SMG6: variants seen among roughly 807,000 people sequenced by gnomAD.
SMG6 encodes the protein SMG6 nonsense mediated mRNA decay factor.
A neutral mutation model predicts 142.2 loss-of-function variants in SMG6; 66 were observed. That is an observed-to-expected ratio of 0.46 (90% CI 0.38 to 0.57). The LOEUF (loss-of-function observed/expected upper bound fraction) is 0.57. Among genes scored for constraint, SMG6 ranks in the 20% least tolerant of loss-of-function variants. SMG6 has a pLI of 0.00. For missense variants in SMG6, 1,793 were observed against 1,832.0 expected, an observed-to-expected ratio of 0.98 and a Z score of 0.39; for synonymous variants, 779 against 702.4, an observed-to-expected ratio of 1.11 and a Z score of -1.72.
At chr17:2,084,029 G>GGGA (rs2068491286) in intron 14 of SMG6, among the ~76,000 whole-genome samples, 1 of 152,162 alleles carries the variant, frequency 6.6e-6, no homozygotes, top group African/African-American at 2.4e-5. Context: ...ACCAAGATCC[G>GGGA]GGACCAGAGA....
intron 13 of SMG6, among the ~76,000 whole-genome samples, chr17:2,140,046 A>G (rs1046473111): frequency 6.8e-6 from 1 of 146,464 alleles, no homozygotes; most frequent in African/African-American, 2.5e-5. Context: ...CTGTTAACTA[A>G]TTTTTTTTAA....
chr17:2,279,589 A>T (rs1481477128), intron 8 of SMG6, among the ~76,000 whole-genome samples: 1 of 152,208 alleles, frequency 6.6e-6, no homozygotes, highest in African/African-American at 2.4e-5. Context: ...GATTACTGAA[A>T]TGGTGATAGC....
Position 2,255,743 on chromosome 17 carries a change from G to T in SMG6, c.2662-11024C>A, listed in dbSNP as rs564488678. ...GATGGCGGTTTTGTGGAATAGAAAG[G>T]GGGGAAAGGTGGGGAAAGAATAGAG... On this transcript the variant is annotated intron_variant, in intron 8 of 18. Coordinates refer to ENST00000263073, the MANE Select transcript of SMG6 (RefSeq NM_017575.5). 5.5e-5 allele frequency: 11 copies of T among 198,372 alleles called. No homozygotes were observed. In the South Asian group the frequency reaches 6.8e-4, roughly 12 times the overall value. 12.3% of individuals were successfully genotyped at this position (198,372 alleles called of 1,614,324 possible). A position where few individuals can be genotyped will look rare whatever the true frequency, so the allele number is the denominator to read the frequency against.
chr17:2,065,025 G>A, intron 18 of SMG6, 48 bp downstream of exon 18: 1 of 1,445,444 alleles, frequency 6.9e-7, no homozygotes, highest in Non-Finnish European at 9.7e-7. Context: ...GGTAGGATGA[G>A]GTAGGGCAGT....
At chr17:2,074,810 T>C (rs2068211955) in intron 15 of SMG6, among the ~76,000 whole-genome samples, 1 of 152,318 alleles carries the variant, frequency 6.6e-6, no homozygotes, top group Admixed American at 6.5e-5. Flanking sequence ...TAACTTGATC[T>C]AAAAAGCCAA....
intron 13 of SMG6, among the ~76,000 whole-genome samples, chr17:2,157,740 A>G (rs2071050688): frequency 6.6e-6 from 1 of 152,232 alleles, no homozygotes; most frequent in Non-Finnish European, 1.5e-5. Flanking sequence ...GTTGGTCACC[A>G]ATAAAACCAA....
intron 13 of SMG6, among the ~76,000 whole-genome samples, chr17:2,125,007 G>A (rs1345861150): frequency 6.6e-6 from 1 of 152,184 alleles, no homozygotes; most frequent in Non-Finnish European, 1.5e-5. Context: ...TCCATTTGGA[G>A]AAGGAATTTC....
chr17:2,094,746 A>T (rs1380319293), intron 13 of SMG6: 1 of 152,166 alleles, frequency 6.6e-6, no homozygotes, highest in Non-Finnish European at 1.5e-5. Flanking sequence ...ATATGAAAGT[A>T]GTGATGAGAA....
intron 13 of SMG6, among the ~76,000 whole-genome samples, chr17:2,150,903 C>A (rs944881422): frequency 6.6e-6 from 1 of 151,876 alleles, no homozygotes; most frequent in Admixed American, 6.6e-5. Flanking sequence ...AAAAAAAATC[C>A]GTAACCCAGC....
At chr17:2,189,249 T>G (rs1001935141) in intron 10 of SMG6, among the ~76,000 whole-genome samples, 7 of 152,144 alleles carry the variant, frequency 4.6e-5, no homozygotes, top group African/African-American at 1.7e-4. Context: ...CTAACTAACT[T>G]CCTTCTGGCT....
Position 2,061,419 on chromosome 17 carries a change from T to C in SMG6, c.*73A>G. The C allele has an allele frequency of 6.9e-7, 1 of 1,453,484 alleles. No homozygotes were observed. Among genetic ancestry groups the C allele is most frequent in the Non-Finnish European group, 9.2e-7 (1 of 1,081,444 alleles). 90.0% of individuals were successfully genotyped at this position (1,453,484 alleles called of 1,614,324 possible). A position where few individuals can be genotyped will look rare whatever the true frequency, so the allele number is the denominator to read the frequency against. On this transcript the variant is annotated 3_prime_UTR_variant, in exon 19 of 19. Transcript: ENST00000263073. ...TTGGTGGCTCAGGCACGTGGGCATC[T>C]TCCGTGCTACACTGGGCGCCTGGTG...
intron 8 of SMG6, among the ~76,000 whole-genome samples, chr17:2,273,967 C>T (rs1443242515): frequency 6.6e-6 from 1 of 152,208 alleles, no homozygotes; most frequent in Non-Finnish European, 1.5e-5. Flanking sequence ...ATAACCACCA[C>T]AAATAACAAG....
At chr17:2,300,753 G>GT in intron 1 of SMG6, 89 bp from the exon 2 acceptor site, 1 of 1,257,708 alleles carries the variant, frequency 8.0e-7, no homozygotes, top group Non-Finnish European at 1.1e-6. Context: ...TTCTGGTTAA[G>GT]TAACAAAAAA....
chr17:2,142,192 C>G (rs2070502177), intron 13 of SMG6, among the ~76,000 whole-genome samples: 1 of 152,124 alleles, frequency 6.6e-6, no homozygotes, highest in South Asian at 2.1e-4. Flanking sequence ...GTCTTTATAA[C>G]ACCAAAGCAC....
intron 10 of SMG6, among the ~76,000 whole-genome samples, chr17:2,188,899 G>C (rs2072075297): frequency 6.6e-6 from 1 of 152,164 alleles, no homozygotes; most frequent in South Asian, 2.1e-4. Context: ...CAGGAGCACA[G>C]TCATCAGTTA....
intron 10 of SMG6, among the ~76,000 whole-genome samples, chr17:2,199,598 T>C (rs2151718761): frequency 6.6e-6 from 1 of 151,596 alleles, no homozygotes; most frequent in Non-Finnish European, 1.5e-5. Flanking sequence ...AAAGATTTAA[T>C]TTTGATTTAA....
intron 13 of SMG6, among the ~76,000 whole-genome samples, chr17:2,172,380 C>T (rs979493033): frequency 2.0e-5 from 3 of 151,914 alleles, no homozygotes; most frequent in Non-Finnish European, 2.9e-5. Context: ...TGAGTGAGAG[C>T]ACTGCCAACA....
intron 13 of SMG6, among the ~76,000 whole-genome samples, chr17:2,121,548 TACACAC>T (rs60301937): frequency 6.7e-6 from 1 of 148,558 alleles, no homozygotes; most frequent in Non-Finnish European, 1.5e-5. Flanking sequence ...TATTTATATA[TACACAC>T]ACACACATAT....
intron 13 of SMG6, among the ~76,000 whole-genome samples, chr17:2,125,035 T>C (rs1326247085): frequency 6.6e-6 from 1 of 152,052 alleles, no homozygotes; most frequent in Non-Finnish European, 1.5e-5. Flanking sequence ...AACACCTCAT[T>C]TGGGGCACTA....
Sources: gnomAD v4.1 joint callset for allele counts (sites outside exome capture counted in the v4.1 genomes callset) on GRCh38, gnomAD v4.1.1 for gene constraint, MANE v1.5 for transcripts, NCBI Gene and HGNC (gene_info 2026-07-23, HGNC 2026-07-21) for gene names.